Variants in AUTS2 observed in about 807,000 individuals in gnomAD.
The protein encoded by AUTS2 is autism susceptibility gene 2 protein.
A neutral mutation model predicts 112.4 loss-of-function variants in AUTS2; 17 were observed. The ratio of observed to expected loss-of-function variants is 0.15; its 90% CI spans 0.10 to 0.23. The LOEUF (loss-of-function observed/expected upper bound fraction) is 0.23, where lower values mean the gene tolerates loss of function less well. Among genes scored for constraint, AUTS2 ranks in the 10% least tolerant of loss-of-function variants. The pLI, the probability that AUTS2 is intolerant of heterozygous loss-of-function variation, is 1.00. For missense variants in AUTS2, 1,510 were observed against 1,701.6 expected (o/e 0.89, Z 1.98); for synonymous variants, 751 against 702.7 (o/e 1.07, Z -1.09).
intron 4 of AUTS2, among the ~76,000 whole-genome samples, chr7:70,281,377 G>A (rs1184297790): frequency 6.6e-6 from 1 of 152,148 alleles, no homozygotes; most frequent in African/African-American, 2.4e-5. Flanking sequence ...TGCAATTAGG[G>A]GGATCCCACC....
chr7:70,487,230 C>T lies in AUTS2; in HGVS notation c.690+51449C>T, dbSNP rs1434718601. On this transcript the variant is annotated intron_variant, in intron 5 of 18. Coordinates refer to ENST00000342771, the MANE Select transcript of AUTS2 (RefSeq NM_015570.4). The stretch of plus-strand genomic sequence containing the variant: ...CTCATCCTTCTCCTTTCCTCCCCCG[C>T]GCCCCCCTCCCAGCCAACCCTCCAT... Among the ~76,000 whole-genome samples the T allele has an allele frequency of 3.3e-5, 5 of 151,338 alleles. No individual in the cohort carries two copies. The South Asian group carries it at 6.2e-4, about 19-fold the overall frequency.
chr7:70,657,019 C>T (rs1425574223), intron 5 of AUTS2, among the ~76,000 whole-genome samples: 1 of 152,118 alleles, frequency 6.6e-6, no homozygotes, highest in Non-Finnish European at 1.5e-5. Context: ...TGCTGGTTAC[C>T]CTGCTCTTGG....
chr7:70,670,770 C>A (rs1239361899), intron 5 of AUTS2, among the ~76,000 whole-genome samples: 2 of 152,178 alleles, frequency 1.3e-5, no homozygotes, highest in Non-Finnish European at 2.9e-5. Context: ...AACTTCTGCC[C>A]CTCTTTACCC....
intron 1 of AUTS2, among the ~76,000 whole-genome samples, chr7:69,703,123 CCTGTGAA>C (rs72010769): frequency 0.032 from 4,819 of 152,168 alleles, 115 homozygotes; most frequent in African/African-American, 0.065. Flanking sequence ...ACAGAGAATG[CCTGTGAA>C]AGTGGAGGGT....
At chr7:70,414,995 T>A (rs1794931344) in intron 4 of AUTS2, among the ~76,000 whole-genome samples, 1 of 152,178 alleles carries the variant, frequency 6.6e-6, no homozygotes, top group Non-Finnish European at 1.5e-5. Context: ...TGGGTTGATG[T>A]CATCATTTTA....
At chr7:70,706,113 T>G (rs754924683) in intron 6 of AUTS2, among the ~76,000 whole-genome samples, 2 of 152,226 alleles carry the variant, frequency 1.3e-5, no homozygotes, top group African/African-American at 4.8e-5. Context: ...TGGGTCTCTG[T>G]GAGTCTGCTT....
At chr7:70,562,337 G>A (rs986725271) in intron 5 of AUTS2, among the ~76,000 whole-genome samples, 14 of 152,180 alleles carry the variant, frequency 9.2e-5, no homozygotes, top group Non-Finnish European at 8.8e-5. Context: ...CAAAGTTGAT[G>A]TTTTCTAATA....
intron 5 of AUTS2, among the ~76,000 whole-genome samples, chr7:70,478,268 C>T (rs183881224): frequency 1.3e-5 from 2 of 152,256 alleles, no homozygotes; most frequent in Admixed American, 6.5e-5. Flanking sequence ...CATAATTCCA[C>T]CACCCAGAAA....
In AUTS2 at chr7:70,069,131, A is replaced by G. The variant is rs539009297; in HGVS notation, c.523-49001A>G. Among the ~76,000 whole-genome samples, 8 of 152,212 alleles carry G rather than the reference A, an allele frequency of 5.3e-5. No homozygotes were observed. The South Asian group carries it at 1.2e-3, about 24-fold the overall frequency. ...GATTAGTGGGGATTGGCAAGAATTG[A>G]CCTCTTTGGAGCCTGGGGAGGCAGA... On this transcript the variant is annotated intron_variant, in intron 2 of 18. Transcript: ENST00000342771.
intron 2 of AUTS2, among the ~76,000 whole-genome samples, chr7:69,948,309 CA>C (rs1333657570): frequency 5.9e-5 from 9 of 152,146 alleles, no homozygotes; most frequent in Non-Finnish European, 1.0e-4. Flanking sequence ...TAGCATTGCT[CA>C]AAAGATATTC....
intron 1 of AUTS2, among the ~76,000 whole-genome samples, chr7:69,815,486 CTGT>C (rs1405783241): frequency 6.6e-6 from 1 of 152,076 alleles, no homozygotes; most frequent in Admixed American, 6.5e-5. Context: ...AGGAAATGCT[CTGT>C]TGTTTTGCAT....
At chr7:70,537,871 A>G (rs1321941492) in intron 5 of AUTS2, among the ~76,000 whole-genome samples, 2 of 152,150 alleles carry the variant, frequency 1.3e-5, no homozygotes, top group Non-Finnish European at 2.9e-5. Context: ...TGCCGAACAA[A>G]ATGTTTGGGC....
At chr7:69,625,828 A>G (rs894902209) in intron 1 of AUTS2, among the ~76,000 whole-genome samples, 13 of 152,108 alleles carry the variant, frequency 8.5e-5, no homozygotes, top group Non-Finnish European at 1.8e-4. Flanking sequence ...CTGTACTCCA[A>G]CCCGGGTGCC....
Position 70,486,839 on chromosome 7 carries a change from G to GGTGGTGGTA in AUTS2, c.690+51073_690+51081dup, listed in dbSNP as rs927157698. Among the ~76,000 whole-genome samples, 7 of 151,792 alleles carry GGTGGTGGTA rather than the reference G, an allele frequency of 4.6e-5. No individual in the cohort carries two copies. The South Asian group carries it at 8.3e-4, about 18-fold the overall frequency. ...AGTCTGTGGTGGTGGTGCTGGTGGT[G>GGTGGTGGTA]GTGGTGGTAGTGGTGGTAGTGGTCC... On this transcript the variant is annotated intron_variant, in intron 5 of 18. Coordinates refer to ENST00000342771, the MANE Select transcript of AUTS2 (RefSeq NM_015570.4).
chr7:70,328,213 T>A (rs1000725892), intron 4 of AUTS2, among the ~76,000 whole-genome samples: 2 of 152,098 alleles, frequency 1.3e-5, no homozygotes, highest in African/African-American at 2.4e-5. Flanking sequence ...GGTGTTTGAT[T>A]TGTGTGTGGT....
intron 4 of AUTS2, among the ~76,000 whole-genome samples, chr7:70,374,488 G>C (rs1792993845): frequency 6.6e-6 from 1 of 152,314 alleles, no homozygotes; most frequent in African/African-American, 2.4e-5. Flanking sequence ...TAATTAAAGG[G>C]ATGTCTTGCT....
At chr7:69,923,118 C>A (rs1055657879) in intron 2 of AUTS2, among the ~76,000 whole-genome samples, 1 of 152,128 alleles carries the variant, frequency 6.6e-6, no homozygotes, top group African/African-American at 2.4e-5. Context: ...GTATACTTGA[C>A]ATGAAGTAGA....
At chr7:69,729,552 A>G (rs1431260368) in intron 1 of AUTS2, among the ~76,000 whole-genome samples, 2 of 151,908 alleles carry the variant, frequency 1.3e-5, no homozygotes, top group East Asian at 3.9e-4. Context: ...TTACATTGCT[A>G]TATCATGATA....
At chr7:69,737,616 TG>T (rs1409263307) in intron 1 of AUTS2, among the ~76,000 whole-genome samples, 1 of 152,154 alleles carries the variant, frequency 6.6e-6, no homozygotes, top group Non-Finnish European at 1.5e-5. Flanking sequence ...AGTCTGCTCC[TG>T]GGAGGAGCAG....
Sources: gnomAD v4.1 joint callset for allele counts (sites outside exome capture counted in the v4.1 genomes callset) on GRCh38, gnomAD v4.1.1 for gene constraint, MANE v1.5 for transcripts, NCBI Gene and HGNC (gene_info 2026-07-23, HGNC 2026-07-21) for gene names.